MIAT: variants seen among roughly 807,000 people sequenced by gnomAD.
MIAT encodes MI related novel mRNA.
At chr22:26,650,671 TG>T (rs1271401056) in intron 2 of MIAT, among the ~76,000 whole-genome samples, 1 of 152,194 alleles carries the variant, frequency 6.6e-6, no homozygotes, top group African/African-American at 2.4e-5. Flanking sequence ...TAGTTGACCA[TG>T]GCATTGATCC....
At chr22:26,649,806 G>A (rs1033440050) in intron 2 of MIAT, among the ~76,000 whole-genome samples, 3 of 152,202 alleles carry the variant, frequency 2.0e-5, no homozygotes, top group South Asian at 2.1e-4. Flanking sequence ...CCAGCTACTC[G>A]GGAGGCTGAG....
chr22:26,654,961 C>T (rs1478972013), intron 2 of MIAT, among the ~76,000 whole-genome samples: 1 of 152,198 alleles, frequency 6.6e-6, no homozygotes, highest in East Asian at 1.9e-4. Context: ...ATCCGCCCGC[C>T]TCGGCCTCCC....
exon 6 of MIAT, chr22:26,668,580 T>A: frequency 2.5e-6 from 1 of 398,998 alleles, no homozygotes; most frequent in East Asian, 3.6e-5. Flanking sequence ...CTGACCACAC[T>A]TTCCCCAAGG....
At chr22:26,666,279 A>C (rs1277258148) in exon 4 of MIAT, 1 of 398,528 alleles carries the variant, frequency 2.5e-6, no homozygotes, top group African/African-American at 2.1e-5. Flanking sequence ...TCTTCTCCAG[A>C]CTGGTGACAC....
Position 26,662,802 on chromosome 22 carries a change from G to A in MIAT, n.647-514G>A, listed in dbSNP as rs181021902. Among the ~76,000 whole-genome samples, 176 of 152,270 alleles carry A rather than the reference G, an allele frequency of 1.2e-3. 1 individual carries two copies. Among genetic ancestry groups the A allele is most frequent in the Non-Finnish European group, 2.1e-3 (146 of 68,026 alleles). On this transcript the variant is annotated intron_variant and non_coding_transcript_variant, in intron 2 of 5. Transcript: ENST00000643270. ...AGAGGGATTCTAAAATGCAACAAATGTATGTTTTCCTGGCAGCTGCCCATC... is the reference window on the plus strand; with the variant it reads ...AGAGGGATTCTAAAATGCAACAAATATATGTTTTCCTGGCAGCTGCCCATC...
downstream of MIAT, chr22:26,671,657 G>A (rs1165936555): frequency 2.5e-6 from 1 of 398,528 alleles, no homozygotes; most frequent in Non-Finnish European, 4.4e-6. Context: ...TTCCAGGACA[G>A]AGAATGCAAA....
chr22:26,661,057 TG>T (rs1930645923), intron 2 of MIAT, among the ~76,000 whole-genome samples: 1 of 152,244 alleles, frequency 6.6e-6, no homozygotes, highest in Non-Finnish European at 1.5e-5. Flanking sequence ...GAGTCTTGTA[TG>T]GATACTTAGT....
exon 4 of MIAT, chr22:26,666,278 G>T: frequency 2.5e-6 from 1 of 398,684 alleles, no homozygotes; most frequent in South Asian, 1.3e-4. Flanking sequence ...GTCTTCTCCA[G>T]ACTGGTGACA....
At chr22:26,656,868 C>T (rs551788855) in intron 2 of MIAT, among the ~76,000 whole-genome samples, 3 of 152,216 alleles carry the variant, frequency 2.0e-5, no homozygotes, top group African/African-American at 7.2e-5. Context: ...ATGATTGTGC[C>T]GCTGCACTTC....
At chr22:26,665,107 G>T (rs1930796084) in intron 3 of MIAT, among the ~76,000 whole-genome samples, 1 of 152,080 alleles carries the variant, frequency 6.6e-6, no homozygotes, top group South Asian at 2.1e-4. Context: ...CGGGCGTGGT[G>T]GCACACATCT....
intron 2 of MIAT, among the ~76,000 whole-genome samples, chr22:26,661,963 C>CATACAT (rs1181745094): frequency 2.7e-5 from 1 of 37,042 alleles, no homozygotes; most frequent in Non-Finnish European, 6.3e-5. Flanking sequence ...TATATATATA[C>CATACAT]ACACACACAC....
At chr22:26,672,633 A>T (rs1165662176), downstream of MIAT, 2 of 399,052 alleles carry the variant, frequency 5.0e-6, no homozygotes, top group African/African-American at 4.1e-5. Flanking sequence ...AGTGACGGGG[A>T]TAGAAGCTGT....
downstream of MIAT, chr22:26,671,608 G>A (rs1931050310): frequency 2.5e-6 from 1 of 398,810 alleles, no homozygotes; most frequent in Non-Finnish European, 4.4e-6. Context: ...GGCTCCAGAA[G>A]GCTCTGCCTA....
chr22:26,674,073 G>C (rs1427840691), downstream of MIAT: 1 of 398,562 alleles, frequency 2.5e-6, no homozygotes, highest in African/African-American at 2.1e-5. Flanking sequence ...CCAGGGCCTA[G>C]AGTCTTCATT....
intron 2 of MIAT, chr22:26,657,528 G>C: frequency 2.5e-6 from 1 of 398,738 alleles, no homozygotes; most frequent in Non-Finnish European, 4.4e-6. Flanking sequence ...CAGAGGGAGG[G>C]AGGCTGCGGA....
At chr22:26,656,774 G>T (rs1200495005) in intron 2 of MIAT, among the ~76,000 whole-genome samples, 2 of 152,144 alleles carry the variant, frequency 1.3e-5, no homozygotes, top group East Asian at 1.9e-4. Flanking sequence ...GGTGGCTCGC[G>T]CCTGTAGTCC....
At chr22:26,661,780 A>G (rs1930670746) in intron 2 of MIAT, among the ~76,000 whole-genome samples, 1 of 151,468 alleles carries the variant, frequency 6.6e-6, no homozygotes, top group East Asian at 1.9e-4. Flanking sequence ...CATAAACTGA[A>G]CAGAGATGAT....
intron 2 of MIAT, among the ~76,000 whole-genome samples, chr22:26,661,973 CAT>C (rs151107782): frequency 0.084 from 8,994 of 106,518 alleles, 611 homozygotes; most frequent in East Asian, 0.13. Flanking sequence ...CACACACACA[CAT>C]ATACATGGAT....
intron 2 of MIAT, chr22:26,660,637 C>T (rs1930631122): frequency 6.6e-6 from 1 of 152,114 alleles, no homozygotes; most frequent in Non-Finnish European, 1.5e-5. Flanking sequence ...TTCGTCAGTT[C>T]CCTATTGTTG....
Sources: gnomAD v4.1 joint callset for allele counts (sites outside exome capture counted in the v4.1 genomes callset) on GRCh38, gnomAD v4.1.1 for gene constraint, MANE v1.5 for transcripts, NCBI Gene and HGNC (gene_info 2026-07-23, HGNC 2026-07-21) for gene names.